The following OMA1 variants were observed in gnomAD, a reference collection of about 807,000 sequenced individuals.
The protein encoded by OMA1 is metalloendopeptidase OMA1, mitochondrial.
OMA1 carries 38 observed loss-of-function variants against 30.9 expected under a neutral mutation model. The ratio of observed to expected loss-of-function variants is 1.23; its 90% CI spans 0.95 to 1.61. The LOEUF (loss-of-function observed/expected upper bound fraction) is 1.61. OMA1 is among the 40% of genes most tolerant of loss of function. OMA1 has a pLI of 0.00. For synonymous variants in OMA1, 173 were observed against 121.9 expected (o/e 1.42, Z -2.76); for missense variants, 461 against 349.2 (o/e 1.32, Z -2.55).
Position 58,520,197 on chromosome 1 carries a change from C to A in OMA1, c.1215+7064G>T, listed in dbSNP as rs191983236. ...TCATTTGTACACCAAATCTTAGCAA[C>A]GTGCAATTTACCCACGTAACAGACC... On this transcript the variant is annotated intron_variant, in intron 7 of 8. Transcript: ENST00000371226. 1.6e-3 allele frequency among the ~76,000 whole-genome samples: 250 copies of A among 152,152 alleles called. 1 individual carries two copies. Among genetic ancestry groups the A allele is most frequent in the Admixed American group, 6.3e-3 (97 of 15,286 alleles).
intron 7 of OMA1, among the ~76,000 whole-genome samples, chr1:58,506,850 T>C (rs957413721): frequency 6.6e-6 from 1 of 152,146 alleles, no homozygotes; most frequent in African/African-American, 2.4e-5. Context: ...ATTTAATTCA[T>C]ATACCTTATA....
rs533199265 is a variant in OMA1 at position 58,483,923 on chromosome 1, C to G, written c.1366-2749G>C. On this transcript the variant is annotated intron_variant, in intron 8 of 8. Coordinates refer to ENST00000371226, the MANE Select transcript of OMA1 (RefSeq NM_145243.5). ...GTAGTGCCTATGTTTAAGCACTGCA[C>G]TGGCATCAGTAAAGGGGGAGAGTAT... 7.9e-5 allele frequency among the ~76,000 whole-genome samples: 12 copies of G among 152,292 alleles called. No individual in the cohort carries two copies. The South Asian group carries it at 2.5e-3, about 32-fold the overall frequency.
intron 7 of OMA1, among the ~76,000 whole-genome samples, chr1:58,520,711 T>C (rs1264474636): frequency 1.3e-5 from 2 of 152,114 alleles, no homozygotes; most frequent in African/African-American, 4.8e-5. Context: ...GAAGTATTAC[T>C]AGAGACAGTG....
At chr1:58,531,751 C>T (rs536932494) in intron 5 of OMA1, among the ~76,000 whole-genome samples, 172 of 152,118 alleles carry the variant, frequency 1.1e-3, no homozygotes, top group Non-Finnish European at 1.2e-3. Context: ...GCCCTGTTGC[C>T]CAAGCTGGAG....
rs780943279 is a variant in OMA1 at position 58,539,301 on chromosome 1, A to G, written c.-7T>C. 14 of 815,608 alleles carry G rather than the reference A, an allele frequency of 1.7e-5. No homozygotes were observed. The highest frequency in any genetic ancestry group is 4.4e-5 in the Admixed American group (2 of 45,060). The allele number at this position is 815,608 out of a possible 1,614,324, so 50.5% of individuals were successfully genotyped here. ...ATCCACAGATGAAGCTCATTTTTTC[A>G]CTTGACTACCTGAAACAAAAAAAAA... On this transcript the variant is annotated 5_prime_UTR_variant, in exon 2 of 9. Coordinates refer to ENST00000371226, the MANE Select transcript of OMA1 (RefSeq NM_145243.5).
chr1:58,514,039 C>A (rs1356736831), intron 7 of OMA1, among the ~76,000 whole-genome samples: 1 of 152,134 alleles, frequency 6.6e-6, no homozygotes, highest in African/African-American at 2.4e-5. Flanking sequence ...ATAATTCTTG[C>A]AAAGCAGCCA....
chr1:58,497,811 C>T (rs985759691), intron 8 of OMA1, among the ~76,000 whole-genome samples: 1 of 152,142 alleles, frequency 6.6e-6, no homozygotes, highest in South Asian at 2.1e-4. Context: ...CTCTCTACAA[C>T]GTGGCGGCTT....
chr1:58,501,253 T>C (rs1046338979), intron 8 of OMA1, among the ~76,000 whole-genome samples: 2 of 152,210 alleles, frequency 1.3e-5, no homozygotes, highest in African/African-American at 4.8e-5. Flanking sequence ...AGCAAAGGTT[T>C]GCTTTTTTTT....
intron 8 of OMA1, among the ~76,000 whole-genome samples, chr1:58,494,411 G>T (rs1645756287): frequency 6.6e-6 from 1 of 152,060 alleles, no homozygotes. Flanking sequence ...AGCCAAAATT[G>T]ATAAATGGGA....
At chr1:58,499,489 GATAGATAGATAGATAGATAA>G (rs1436322190) in intron 8 of OMA1, among the ~76,000 whole-genome samples, 7 of 148,892 alleles carry the variant, frequency 4.7e-5, no homozygotes, top group African/African-American at 1.8e-4. Flanking sequence ...TAGATAGATA[GATAGATAGATAGATAGATAA>G]ATAGATAGAT....
At chr1:58,491,308 A>C (rs1015672425) in intron 8 of OMA1, among the ~76,000 whole-genome samples, 1 of 152,218 alleles carries the variant, frequency 6.6e-6, no homozygotes, top group African/African-American at 2.4e-5. Context: ...CGCAGCAAAA[A>C]CATGCCAAAT....
At chr1:58,499,875 C>T (rs1461368099) in intron 8 of OMA1, among the ~76,000 whole-genome samples, 1 of 151,762 alleles carries the variant, frequency 6.6e-6, no homozygotes, top group African/African-American at 2.4e-5. Context: ...GAAACAACTG[C>T]TAATACACAT....
intron 8 of OMA1, among the ~76,000 whole-genome samples, chr1:58,501,968 T>C (rs1319662597): frequency 6.6e-6 from 1 of 151,970 alleles, no homozygotes; most frequent in African/African-American, 2.4e-5. Context: ...ATTATCTGTC[T>C]CCCTTTACTG....
intron 2 of OMA1, among the ~76,000 whole-genome samples, chr1:58,537,280 G>C (rs1230290821): frequency 6.6e-6 from 1 of 152,082 alleles, no homozygotes; most frequent in East Asian, 1.9e-4. Flanking sequence ...AGAGGTTACA[G>C]TACAATAAAT....
chr1:58,489,322 C>G (rs184204758), intron 8 of OMA1, among the ~76,000 whole-genome samples: 2 of 152,334 alleles, frequency 1.3e-5, no homozygotes, highest in East Asian at 1.9e-4. Flanking sequence ...AAGGGTCCTA[C>G]GCCCACAGAG....
intron 8 of OMA1, among the ~76,000 whole-genome samples, chr1:58,487,464 C>A (rs1645594771): frequency 6.6e-6 from 1 of 152,132 alleles, no homozygotes; most frequent in Non-Finnish European, 1.5e-5. Flanking sequence ...AAAACAAAAT[C>A]ATTTATGCTT....
At chr1:58,540,175 T>C (rs1417880788) in intron 1 of OMA1, among the ~76,000 whole-genome samples, 1 of 151,796 alleles carries the variant, frequency 6.6e-6, no homozygotes, top group African/African-American at 2.4e-5. Context: ...GCCTCAACAT[T>C]AGAGAAAGAT....
chr1:58,511,562 G>C (rs563436238), intron 7 of OMA1, among the ~76,000 whole-genome samples: 1 of 152,016 alleles, frequency 6.6e-6, no homozygotes. Flanking sequence ...CTGGGAAGTC[G>C]AGGCTAGAGT....
intron 6 of OMA1, among the ~76,000 whole-genome samples, chr1:58,530,094 G>A (rs1210546912): frequency 2.6e-5 from 4 of 152,194 alleles, no homozygotes; most frequent in East Asian, 3.9e-4. Context: ...CGTTAGCCAG[G>A]ATGGTCTCAA....
Sources: allele counts gnomAD v4.1 joint callset (sites outside exome capture counted in the v4.1 genomes callset), GRCh38; gene constraint gnomAD v4.1.1; transcripts MANE v1.5; gene names NCBI Gene and HGNC (gene_info 2026-07-23, HGNC 2026-07-21).